The following RPSA variants were observed in gnomAD, a reference collection of about 807,000 sequenced individuals.
RPSA encodes ribosomal protein SA.
For missense variants in RPSA, 140 were observed against 372.8 expected (o/e 0.38, Z 5.14); for synonymous variants, 103 against 126.7 (o/e 0.81, Z 1.25).
At chr3:39,407,398 G>A (rs2041934636) in intron 1 of RPSA, among the ~76,000 whole-genome samples, 1 of 152,048 alleles carries the variant, frequency 6.6e-6, no homozygotes, top group Admixed American at 6.5e-5. Flanking sequence ...CTAATTTCGT[G>A]TAGTTTTATT....
rs990977008 is a variant in RPSA at position 39,406,758 on chromosome 3, G to T, written c.-40G>T. On this transcript the variant is annotated 5_prime_UTR_variant, in exon 1 of 7. Coordinates refer to ENST00000301821, the MANE Select transcript of RPSA (RefSeq NM_002295.6). ...CCTGCAGAGGGGTCCATACGGCGTTGTTCTGGGTGAGTTCCGTGTAGCGTC... is the reference window on the plus strand; with the variant it reads ...CCTGCAGAGGGGTCCATACGGCGTTTTTCTGGGTGAGTTCCGTGTAGCGTC... The T allele has an allele frequency of 1.9e-5, 8 of 429,350 alleles. No individual in the cohort carries two copies. Among genetic ancestry groups the T allele is most frequent in the South Asian group, 1.0e-4 (6 of 59,848 alleles). The allele number at this position is 429,350 out of a possible 1,614,324, so 26.6% of individuals were successfully genotyped here. A position where few individuals can be genotyped will look rare whatever the true frequency, so the allele number is the denominator to read the frequency against.
At position 39,411,010 on chromosome 3, in the gene RPSA, T is replaced by C; in HGVS notation, c.498+11T>C. ...CCATGCAACAACAAGGTAATGATTT[T>C]AGGATCTAGAGTTTGTGAATGCGTG... On this transcript the variant is annotated intron_variant, in intron 4 of 6. Coordinates refer to ENST00000301821, the MANE Select transcript of RPSA (RefSeq NM_002295.6). The C allele has an allele frequency of 1.9e-6, 3 of 1,599,672 alleles. No homozygotes were observed. The highest frequency in any genetic ancestry group is 1.7e-4 in the Middle Eastern group (1 of 6,060).
chr3:39,411,669 G>A lies in RPSA; in HGVS notation c.519G>A (p.Leu173=), dbSNP rs2269350. Residue 173 remains leucine, a synonymous_variant, in exon 5 of 7, where the codon TTG becomes TTA. Coordinates refer to ENST00000301821, the MANE Select transcript of RPSA (RefSeq NM_002295.6). ...GGCAGGGAGCTCACTCAGTGGGTTT[G>A]ATGTGGTGGATGCTGGCTCGGGAAG... The part of the protein sequence containing the change: ...CNNKGAHSVG[L]MWWMLAREVL... 0.31 allele frequency: 493,461 copies of A among 1,607,196 alleles called. 77,234 individuals carry two copies. The highest frequency in any genetic ancestry group is 0.32 in the Non-Finnish European group (378,317 of 1,179,558).
rs71091746 is a variant in RPSA, at chr3:39,409,184, C to CTTTTTTTTTTTTT, written c.252+471_252+483dup. On this transcript the variant is annotated intron_variant, in intron 3 of 6. Transcript: ENST00000301821. The stretch of plus-strand genomic sequence containing the variant: ...ATCGCCCTTATGACCTATGACCTTC[C>CTTTTTTTTTTTTT]TTTTTTTTTTTTTTTTTTTTTTTCC... Among the ~76,000 whole-genome samples, 16 of 85,422 alleles carry CTTTTTTTTTTTTT rather than the reference C, an allele frequency of 1.9e-4. 3 individuals carry two copies. The highest frequency in any genetic ancestry group is 4.1e-4 in the East Asian group (1 of 2,462). 56.0% of individuals were successfully genotyped at this position (85,422 alleles called of 152,430 possible).
At chr3:39,408,955 G>A (rs1296766758) in intron 3 of RPSA, 33 of 449,914 alleles carry the variant, frequency 7.3e-5, no homozygotes, top group Non-Finnish European at 6.6e-5. Flanking sequence ...GCGTGGGGGC[G>A]GGTGCCTGTA....
At chr3:39,411,085 T>C (rs762346091) in intron 4 of RPSA, 86 bp downstream of exon 4, 1 of 1,531,356 alleles carries the variant, frequency 6.5e-7, no homozygotes, top group Non-Finnish European at 8.9e-7. Context: ...GAGTTGAGGC[T>C]ACTGACTGGC....
chr3:39,411,134 G>A (rs1475162618), intron 4 of RPSA, 135 bp downstream of exon 4: 1 of 1,147,870 alleles, frequency 8.7e-7, no homozygotes, highest in African/African-American at 1.5e-5. Context: ...CTACATGAGG[G>A]GCAAGTTTTC....
At chr3:39,408,208 T>G (rs916467099) in intron 2 of RPSA, 7 of 378,286 alleles carry the variant, frequency 1.9e-5, no homozygotes, top group Middle Eastern at 9.0e-4. Flanking sequence ...ATTTTAGAGA[T>G]AAAGCTACCA....
chr3:39,411,540 C>G (rs1184198454), intron 4 of RPSA, 109 bp from the exon 5 acceptor site: 5 of 1,179,522 alleles, frequency 4.2e-6, no homozygotes, highest in Non-Finnish European at 6.1e-6. Flanking sequence ...TGCTTTTCAA[C>G]TAAGAGATGT....
chr3:39,407,327 A>C (rs1457335827), intron 1 of RPSA, among the ~76,000 whole-genome samples: 2 of 152,158 alleles, frequency 1.3e-5, no homozygotes, highest in African/African-American at 4.8e-5. Flanking sequence ...CTAGTTGTTA[A>C]CTTGGCGCAT....
At chr3:39,407,174 G>A in intron 1 of RPSA, 1 of 352,236 alleles carries the variant, frequency 2.8e-6, no homozygotes, top group Non-Finnish European at 5.5e-6. Context: ...TAAGGTTCTC[G>A]GGTTTTTAGA....
At chr3:39,411,316 G>C (rs534561434) in intron 4 of RPSA, 2 of 625,454 alleles carry the variant, frequency 3.2e-6, no homozygotes, top group African/African-American at 1.8e-5. Flanking sequence ...CTTGGCCTTT[G>C]TTTTCACACC....
At position 39,412,456 on chromosome 3, in the gene RPSA, T is replaced by C. The variant is rs2042018544; in HGVS notation, c.*88T>C. On this transcript the variant is annotated 3_prime_UTR_variant, in exon 7 of 7. Transcript: ENST00000301821. ...TTCTAAAAGTTGTCTTCATTTAGTT[T>C]GCTTTTTACTCCAGATCAGAATACC... 1.3e-6 allele frequency: 1 copy of C among 750,718 alleles called. No homozygotes were observed. 46.5% of individuals were successfully genotyped at this position (750,718 alleles called of 1,614,324 possible). A position where few individuals can be genotyped will look rare whatever the true frequency, so the allele number is the denominator to read the frequency against.
intron 3 of RPSA, among the ~76,000 whole-genome samples, chr3:39,409,275 C>T (rs1304912142): frequency 4.3e-5 from 6 of 138,914 alleles, no homozygotes; most frequent in Admixed American, 8.1e-5. Flanking sequence ...GATATCGGCT[C>T]ATTGCAGCCT....
chr3:39,408,450 G>T, intron 2 of RPSA, 156 bp from the exon 3 acceptor site: 1 of 774,696 alleles, frequency 1.3e-6, no homozygotes. Context: ...CTGAGTGTCG[G>T]AAGTGTGCTA....
intron 4 of RPSA, chr3:39,411,426 A>G (rs2042003958): frequency 3.5e-6 from 2 of 573,518 alleles, no homozygotes; most frequent in Admixed American, 6.2e-5. Flanking sequence ...TTGCCCAGAT[A>G]TTTTTTTTAA....
In RPSA at chr3:39,412,532, G is replaced by A. The variant is rs1463301250; in HGVS notation, c.*164G>A. On this transcript the variant is annotated 3_prime_UTR_variant, in exon 7 of 7. Coordinates refer to ENST00000301821, the MANE Select transcript of RPSA (RefSeq NM_002295.6). ...ATAAATACATGTCTCGACATGAGTT[G>A]TACTTCTAAAGCCCACTGTAGATAG... 6.7e-6 allele frequency: 4 copies of A among 599,156 alleles called. No homozygotes were observed. Among genetic ancestry groups the A allele is most frequent in the South Asian group, 2.0e-5 (1 of 48,924 alleles). 37.1% of individuals were successfully genotyped at this position (599,156 alleles called of 1,614,324 possible).
At position 39,411,709 on chromosome 3, in the gene RPSA, G is replaced by A. The variant is rs760207339; in HGVS notation, c.559G>A (p.Gly187Ser). 6.2e-7 allele frequency: 1 copy of A among 1,601,616 alleles called. No individual in the cohort carries two copies. Among genetic ancestry groups the A allele is most frequent in the East Asian group, 2.2e-5 (1 of 44,898 alleles). ...MLAREVLRMR[G>S]TISREHPWEV... ...GGCTCGGGAAGTTCTGCGCATGCGT[G>A]GCACCATTTCCCGTGAACACCCATG... The change falls in exon 5 of 7, where the codon GGC (glycine) becomes AGC (serine). Residue 187 changes from glycine (G) to serine (S), a missense_variant. Transcript: ENST00000301821.
In RPSA at chr3:39,411,121, G is replaced by A. The variant is rs1312308370; in HGVS notation, c.498+122G>A. 7.0e-6 allele frequency: 9 copies of A among 1,293,184 alleles called. No homozygotes were observed. The Admixed American group carries it at 1.2e-4, about 17-fold the overall frequency. 80.1% of individuals were successfully genotyped at this position (1,293,184 alleles called of 1,614,324 possible). A position where few individuals can be genotyped will look rare whatever the true frequency, so the allele number is the denominator to read the frequency against. On this transcript the variant is annotated intron_variant, in intron 4 of 6. Coordinates refer to ENST00000301821, the MANE Select transcript of RPSA (RefSeq NM_002295.6). ...CGATGAACTCGCAAGTGTAGGTAGTGTGCTACATGAGGGGCAAGTTTTCGC... is the reference window on the plus strand; with the variant it reads ...CGATGAACTCGCAAGTGTAGGTAGTATGCTACATGAGGGGCAAGTTTTCGC...
Sources: allele counts gnomAD v4.1 joint callset (sites outside exome capture counted in the v4.1 genomes callset), GRCh38; gene constraint gnomAD v4.1.1; transcripts MANE v1.5; gene names NCBI Gene and HGNC (gene_info 2026-07-23, HGNC 2026-07-21).